Variants in DEUP1 observed in about 807,000 individuals in gnomAD.
DEUP1 encodes coiled-coil domain containing 67.
A neutral mutation model predicts 87.4 loss-of-function variants in DEUP1; 82 were observed. That is an observed-to-expected ratio of 0.94 (90% confidence interval 0.78 to 1.13). The LOEUF is 1.13. Among genes scored for constraint, DEUP1 ranks in the 50% most tolerant of loss-of-function variants. The probability of loss-of-function intolerance (pLI) is 0.00; values close to 1 mark genes in which losing one functional copy is unlikely to be tolerated. For missense variants in DEUP1, 663 were observed against 681.5 expected, an observed-to-expected ratio of 0.97 and a Z score of 0.30; for synonymous variants, 214 against 222.7, an observed-to-expected ratio of 0.96 and a Z score of 0.35.
At chr11:93,380,109 AG>A (rs1182305953) in intron 7 of DEUP1, among the ~76,000 whole-genome samples, 43 of 152,302 alleles carry the variant, frequency 2.8e-4, no homozygotes, top group Middle Eastern at 3.4e-3. Context: ...TCTAGTGGGT[AG>A]AGGCCAGAGA....
Position 93,385,387 on chromosome 11 carries a change from T to C in DEUP1, c.790-11T>C. 1 of 1,611,698 alleles carries C rather than the reference T, an allele frequency of 6.2e-7. No homozygotes were observed. ...ACAATGAGCATGAAATTTTTTGATG[T>C]TTTTATTCAGGCCATGGAAGCAGGT... is the stretch of plus-strand genomic sequence containing the variant. On this transcript the variant is annotated splice_polypyrimidine_tract_variant and intron_variant, in intron 7 of 13. Coordinates refer to ENST00000298050, the MANE Select transcript of DEUP1 (RefSeq NM_181645.4).
chr11:93,400,061 T>C (rs1041173587), intron 11 of DEUP1, among the ~76,000 whole-genome samples: 2 of 152,128 alleles, frequency 1.3e-5, no homozygotes, highest in Non-Finnish European at 2.9e-5. Flanking sequence ...GTTATGTGGG[T>C]TTTGTTTTTT....
intron 13 of DEUP1, among the ~76,000 whole-genome samples, chr11:93,427,744 T>C (rs1296964448): frequency 6.8e-6 from 1 of 147,238 alleles, no homozygotes; most frequent in African/African-American, 2.5e-5. Context: ...AGGGCTAATA[T>C]CCAGAATCTA....
At chr11:93,419,882 A>T (rs971716372) in intron 13 of DEUP1, among the ~76,000 whole-genome samples, 2 of 128,884 alleles carry the variant, frequency 1.6e-5, no homozygotes, top group African/African-American at 3.2e-5. Context: ...TAAAATAAAA[A>T]TTAAAAAAAA....
At position 93,434,350 on chromosome 11, in the gene DEUP1, G is replaced by A. The variant is rs114295381; in HGVS notation, c.1639-3193G>A. Reference sequence around the variant, plus strand: ...GTTGATCCAGGTGGCTTTTCTTTTGGGGTGAGCCCCTAATGTCCATGCCCT... The same window carrying A: ...GTTGATCCAGGTGGCTTTTCTTTTGAGGTGAGCCCCTAATGTCCATGCCCT... On this transcript the variant is annotated intron_variant, in intron 13 of 13. Transcript: ENST00000298050. Among the ~76,000 whole-genome samples the A allele has an allele frequency of 5.9e-3, 898 of 152,148 alleles. 9 individuals carry two copies. Among genetic ancestry groups the A allele is most frequent in the African/African-American group, 0.019 (803 of 41,494 alleles).
intron 12 of DEUP1, among the ~76,000 whole-genome samples, chr11:93,411,945 A>T (rs918460506): frequency 4.6e-5 from 7 of 152,208 alleles, no homozygotes; most frequent in African/African-American, 1.7e-4. Flanking sequence ...GAATGAATAG[A>T]CATCTAGAAG....
intron 7 of DEUP1, 81 bp downstream of exon 7, chr11:93,371,361 A>G: frequency 7.3e-7 from 1 of 1,377,082 alleles, no homozygotes. Flanking sequence ...AATGATTAGA[A>G]TGGTAGTTTT....
intron 8 of DEUP1, 131 bp downstream of exon 8, chr11:93,385,674 T>C (rs72972357): frequency 0.19 from 108,252 of 563,648 alleles, 11,029 homozygotes; most frequent in Non-Finnish European, 0.22. Context: ...GTGGGTAATA[T>C]TAAATATTAA....
At chr11:93,350,515 A>C (rs572384386) in intron 2 of DEUP1, among the ~76,000 whole-genome samples, 2 of 152,320 alleles carry the variant, frequency 1.3e-5, no homozygotes, top group South Asian at 2.1e-4. Context: ...ACTTATTTGC[A>C]GTGATATTGA....
At chr11:93,409,242 G>A (rs982087236) in intron 12 of DEUP1, among the ~76,000 whole-genome samples, 1 of 152,084 alleles carries the variant, frequency 6.6e-6, no homozygotes, top group African/African-American at 2.4e-5. Flanking sequence ...ATGTATAAGA[G>A]GTTTTCTCCA....
rs1948288388 is a variant in DEUP1 at position 93,437,695 on chromosome 11, G to T, written c.1791G>T (p.Lys597Asn). 1 of 1,597,118 alleles carries T rather than the reference G, an allele frequency of 6.3e-7. No individual in the cohort carries two copies. The highest frequency in any genetic ancestry group is 1.1e-5 in the South Asian group (1 of 90,470). ...AATTTACTCTTAATAAATACTCCAAGCTAAAACAAAATAGACACATATGAG... is the reference window on the plus strand; with the variant it reads ...AATTTACTCTTAATAAATACTCCAATCTAAAACAAAATAGACACATATGAG... ...HTEFTLNKYSKLKQNRHI is the reference protein window; with the variant it reads ...HTEFTLNKYSNLKQNRHI The change falls in exon 14 of 14, where the codon AAG (lysine) becomes AAT (asparagine). Residue 597 changes from lysine (K) to asparagine (N), a missense_variant. Transcript: ENST00000298050.
chr11:93,334,477 A>G (rs1331678274), intron 2 of DEUP1, among the ~76,000 whole-genome samples: 1 of 152,228 alleles, frequency 6.6e-6, no homozygotes, highest in African/African-American at 2.4e-5. Context: ...ATAAATTTGT[A>G]TCATATGGTG....
intron 2 of DEUP1, among the ~76,000 whole-genome samples, chr11:93,333,258 G>A (rs944414248): frequency 2.0e-5 from 3 of 152,098 alleles, no homozygotes; most frequent in African/African-American, 7.2e-5. Context: ...TCATATAGTC[G>A]TCACAGGTGC....
intron 9 of DEUP1, among the ~76,000 whole-genome samples, chr11:93,391,829 T>TA (rs1199155722): frequency 6.6e-6 from 1 of 151,172 alleles, no homozygotes; most frequent in African/African-American, 2.4e-5. Flanking sequence ...TTTCATCAAA[T>TA]AAATTGGAAG....
At chr11:93,379,837 T>C (rs1181531730) in intron 7 of DEUP1, among the ~76,000 whole-genome samples, 2 of 152,234 alleles carry the variant, frequency 1.3e-5, no homozygotes. Context: ...GGTATTTATA[T>C]ATTAATGTAC....
chr11:93,392,204 C>T (rs1263337603), intron 9 of DEUP1, among the ~76,000 whole-genome samples: 1 of 152,136 alleles, frequency 6.6e-6, no homozygotes, highest in African/African-American at 2.4e-5. Flanking sequence ...TCCCCTAAAA[C>T]CCAGATTTTT....
At chr11:93,417,659 T>A (rs1466698249) in intron 13 of DEUP1, among the ~76,000 whole-genome samples, 1 of 150,148 alleles carries the variant, frequency 6.7e-6, no homozygotes, top group Non-Finnish European at 1.5e-5. Flanking sequence ...ATGACTTTCT[T>A]CACAGAATTG....
At chr11:93,363,239 G>T (rs969837274) in intron 4 of DEUP1, among the ~76,000 whole-genome samples, 1 of 151,860 alleles carries the variant, frequency 6.6e-6, no homozygotes. Flanking sequence ...GACTAAGTGT[G>T]ATTCTAAAGG....
At chr11:93,383,153 A>G (rs1946379945) in intron 7 of DEUP1, among the ~76,000 whole-genome samples, 1 of 152,240 alleles carries the variant, frequency 6.6e-6, no homozygotes, top group Admixed American at 6.5e-5. Flanking sequence ...TCCACATAAG[A>G]GCTTATACAT....
Sources: allele counts gnomAD v4.1 joint callset (sites outside exome capture counted in the v4.1 genomes callset), GRCh38; gene constraint gnomAD v4.1.1; transcripts MANE v1.5; gene names NCBI Gene and HGNC (gene_info 2026-07-23, HGNC 2026-07-21).